The following DGKB variants were observed in gnomAD, a reference collection of about 807,000 sequenced individuals.
The protein encoded by DGKB is 90 kDa diacylglycerol kinase.
DGKB carries 67 observed loss-of-function variants against 114.3 expected under a neutral mutation model. That is an observed-to-expected ratio of 0.59 (90% CI 0.48 to 0.72). The LOEUF (loss-of-function observed/expected upper bound fraction) is 0.72, where lower values mean the gene tolerates loss of function less well. Ranked by LOEUF, DGKB falls within the 30% of genes least tolerant of loss-of-function variation. DGKB has a pLI of 0.00. For synonymous variants in DGKB, 398 were observed against 323.1 expected, an observed-to-expected ratio of 1.23 and a Z score of -2.49; for missense variants, 907 against 975.2, an observed-to-expected ratio of 0.93 and a Z score of 0.93.
intron 23 of DGKB, among the ~76,000 whole-genome samples, chr7:14,236,280 T>C (rs1211386023): frequency 6.6e-6 from 1 of 151,986 alleles, no homozygotes; most frequent in Non-Finnish European, 1.5e-5. Context: ...CTTATCACTT[T>C]TGAAATAAGC....
At position 14,553,628 on chromosome 7, in the gene DGKB, A is replaced by G. The variant is rs148453584; in HGVS notation, c.1770+20584T>C. On this transcript the variant is annotated intron_variant, in intron 20 of 25. Coordinates refer to ENST00000402815, the MANE Select transcript of DGKB (RefSeq NM_001350709.2). The stretch of plus-strand genomic sequence containing the variant: ...GCACTGTAGAACAGGTTGAAAGTGA[A>G]TATTTGAATGGGAATGTTAGCATCA... 4.1e-3 allele frequency among the ~76,000 whole-genome samples: 627 copies of G among 152,254 alleles called. 6 individuals are homozygous for G. The highest frequency in any genetic ancestry group is 0.014 in the African/African-American group (585 of 41,560).
intron 2 of DGKB, among the ~76,000 whole-genome samples, chr7:14,771,561 T>C (rs1481153844): frequency 1.3e-5 from 2 of 152,060 alleles, no homozygotes; most frequent in Non-Finnish European, 2.9e-5. Flanking sequence ...GCCCAAATTC[T>C]TTTCTATGGG....
chr7:14,692,997 A>G (rs200674593), intron 9 of DGKB, among the ~76,000 whole-genome samples: 1 of 152,256 alleles, frequency 6.6e-6, no homozygotes, highest in East Asian at 1.9e-4. Context: ...TTTTATATAT[A>G]CTCATATGTT....
chr7:14,298,240 A>G (rs576031748), intron 23 of DGKB, among the ~76,000 whole-genome samples: 2 of 152,326 alleles, frequency 1.3e-5, no homozygotes, highest in South Asian at 2.1e-4. Flanking sequence ...AAGAGCCTGT[A>G]TAGCCAAGAC....
chr7:14,195,442 C>A (rs1784883785), intron 23 of DGKB, among the ~76,000 whole-genome samples: 1 of 152,096 alleles, frequency 6.6e-6, no homozygotes, highest in South Asian at 2.1e-4. Context: ...CTCTTATTCT[C>A]CTAAGAACTG....
chr7:14,448,355 TG>T (rs1407321746), intron 21 of DGKB, among the ~76,000 whole-genome samples: 1 of 151,964 alleles, frequency 6.6e-6, no homozygotes, highest in Non-Finnish European at 1.5e-5. Flanking sequence ...ATGGGTGTGG[TG>T]TTGGGAAGAT....
At chr7:14,748,004 A>T (rs908068587) in intron 4 of DGKB, among the ~76,000 whole-genome samples, 3 of 152,162 alleles carry the variant, frequency 2.0e-5, no homozygotes, top group African/African-American at 7.2e-5. Flanking sequence ...TTTGTTTTTA[A>T]ATCCCTGTTA....
chr7:14,351,058 C>T (rs1583340416), intron 21 of DGKB, among the ~76,000 whole-genome samples: 1 of 65,156 alleles, frequency 1.5e-5, no homozygotes, highest in East Asian at 2.7e-4. Context: ...TCTCATAATT[C>T]TATGGCATAG....
chr7:14,644,474 T>C (rs1172911513), intron 13 of DGKB, among the ~76,000 whole-genome samples: 5 of 152,192 alleles, frequency 3.3e-5, no homozygotes, highest in Non-Finnish European at 7.3e-5. Context: ...AATACCGTGA[T>C]ATCAAGAAAA....
chr7:14,504,788 A>T (rs1402995772), intron 20 of DGKB, among the ~76,000 whole-genome samples: 4 of 152,196 alleles, frequency 2.6e-5, no homozygotes, highest in African/African-American at 9.6e-5. Context: ...ATATTCTTAT[A>T]GGTATTTTAC....
intron 21 of DGKB, among the ~76,000 whole-genome samples, chr7:14,426,786 A>G (rs1336819851): frequency 6.6e-6 from 1 of 152,008 alleles, no homozygotes; most frequent in Non-Finnish European, 1.5e-5. Context: ...CAAGCGTGGC[A>G]GCTCATGCCT....
chr7:14,881,633 G>A (rs1854247854), intron 1 of DGKB, among the ~76,000 whole-genome samples: 2 of 152,032 alleles, frequency 1.3e-5, no homozygotes, highest in African/African-American at 4.8e-5. Flanking sequence ...TAGTTGTTTT[G>A]TACCAGGAAC....
chr7:14,658,616 C>T (rs563040444), intron 13 of DGKB, among the ~76,000 whole-genome samples: 2 of 151,752 alleles, frequency 1.3e-5, no homozygotes, highest in South Asian at 4.2e-4. Context: ...TGATGTATAC[C>T]CTAAATACCC....
chr7:14,912,025 T>C (rs181996985), intron 1 of DGKB, among the ~76,000 whole-genome samples: 2 of 152,352 alleles, frequency 1.3e-5, no homozygotes, highest in African/African-American at 2.4e-5. Flanking sequence ...TGTTTGCTTC[T>C]ACTCAGTGTC....
chr7:14,809,376 T>C (rs1480832483), intron 2 of DGKB, among the ~76,000 whole-genome samples: 1 of 152,022 alleles, frequency 6.6e-6, no homozygotes. Context: ...TTATGAAACA[T>C]GGGAGTGAAA....
chr7:14,168,753 A>T (rs1780350251), intron 25 of DGKB, among the ~76,000 whole-genome samples: 1 of 152,232 alleles, frequency 6.6e-6, no homozygotes, highest in Admixed American at 6.5e-5. Flanking sequence ...AAGTCTGTGA[A>T]TTGGAATGCT....
chr7:14,626,211 G>T (rs1387940682), intron 14 of DGKB, among the ~76,000 whole-genome samples: 1 of 152,114 alleles, frequency 6.6e-6, no homozygotes, highest in African/African-American at 2.4e-5. Flanking sequence ...TGCTGTTATC[G>T]ATCGCTGGCA....
chr7:14,651,677 G>A (rs1201260752), intron 13 of DGKB, among the ~76,000 whole-genome samples: 3 of 145,862 alleles, frequency 2.1e-5, no homozygotes, highest in African/African-American at 7.6e-5. Flanking sequence ...GGAAATAAAG[G>A]GTATTCAATT....
At chr7:14,808,814 C>T (rs1843068024) in intron 2 of DGKB, among the ~76,000 whole-genome samples, 1 of 152,062 alleles carries the variant, frequency 6.6e-6, no homozygotes, top group African/African-American at 2.4e-5. Context: ...TATCTTAGAT[C>T]TGTAATCAGC....
Sources: gnomAD v4.1 joint callset for allele counts (sites outside exome capture counted in the v4.1 genomes callset) on GRCh38, gnomAD v4.1.1 for gene constraint, MANE v1.5 for transcripts, NCBI Gene and HGNC (gene_info 2026-07-23, HGNC 2026-07-21) for gene names.